Variants in UBE2V1 observed in about 807,000 individuals in gnomAD.
The protein encoded by UBE2V1 is ubiquitin-conjugating enzyme E2 variant 1.
A neutral mutation model predicts 19.6 loss-of-function variants in UBE2V1; 15 were observed. The ratio of observed to expected loss-of-function variants is 0.77; its 90% CI spans 0.51 to 1.18. The LOEUF is 1.18. Ranked by LOEUF, UBE2V1 falls within the 50% of genes most tolerant of loss-of-function variation. The probability of loss-of-function intolerance (pLI) is 0.00; values close to 1 mark genes in which losing one functional copy is unlikely to be tolerated. For missense variants in UBE2V1, 125 were observed against 184.8 expected, an observed-to-expected ratio of 0.68 and a Z score of 1.88; for synonymous variants, 60 against 60.7, an observed-to-expected ratio of 0.99 and a Z score of 0.05.
chr20:50,106,210 G>T (rs754336122), intron 1 of UBE2V1, among the ~76,000 whole-genome samples: 65 of 152,060 alleles, frequency 4.3e-4, no homozygotes, highest in Non-Finnish European at 7.6e-4. Flanking sequence ...CTTTCCAGAA[G>T]GCTTTTTCCT....
chr20:50,100,814 CT>C (rs1289629513), intron 1 of UBE2V1, among the ~76,000 whole-genome samples: 1 of 152,162 alleles, frequency 6.6e-6, no homozygotes, highest in Non-Finnish European at 1.5e-5. Context: ...CAAAGAACTT[CT>C]CTATGGCTGA....
Position 50,084,273 on chromosome 20 carries a change from G to C in UBE2V1, c.172-19C>G. 2 of 1,610,564 alleles carry C rather than the reference G, an allele frequency of 1.2e-6. No homozygotes were observed. Among genetic ancestry groups the C allele is most frequent in the Non-Finnish European group, 1.7e-6 (2 of 1,177,100 alleles). The stretch of plus-strand genomic sequence containing the variant: ...AAATTGTCTGGAAAAAAAGAGTACG[G>C]AGATGTCACGCAATTACAAACAAAG... On this transcript the variant is annotated intron_variant, in intron 2 of 3. Transcript: ENST00000371674.
chr20:50,096,512 A>G (rs6012831), intron 2 of UBE2V1, 160 bp downstream of exon 2: 9 of 1,537,026 alleles, frequency 5.9e-6, no homozygotes, highest in Non-Finnish European at 7.9e-6. Context: ...GCATCAGAGG[A>G]GGTTCAAATA....
At chr20:50,095,035 A>C (rs2079541243) in intron 2 of UBE2V1, 1 of 152,176 alleles carries the variant, frequency 6.6e-6, no homozygotes, top group Non-Finnish European at 1.5e-5. Flanking sequence ...TTACTGATGC[A>C]TTGTTTTGTG....
intron 2 of UBE2V1, among the ~76,000 whole-genome samples, chr20:50,086,581 T>C (rs547799021): frequency 2.0e-5 from 3 of 152,326 alleles, no homozygotes; most frequent in Non-Finnish European, 2.9e-5. Context: ...TCAACAACTA[T>C]ATACTCAGTG....
intron 2 of UBE2V1, among the ~76,000 whole-genome samples, chr20:50,094,099 CTTTT>C (rs2079438177): frequency 8.0e-6 from 1 of 124,994 alleles, no homozygotes; most frequent in African/African-American, 3.1e-5. Context: ...GGAGGATTTG[CTTTT>C]ATTTAAATAA....
At chr20:50,114,857 G>C (rs1234076947), upstream of UBE2V1, 1 of 152,390 alleles carries the variant, frequency 6.6e-6, no homozygotes, top group African/African-American at 2.4e-5. Flanking sequence ...CCTGAGGTCA[G>C]GAGTTCCAGA....
chr20:50,100,285 T>TAAA lies in UBE2V1; in HGVS notation c.23-3468_23-3466dup, dbSNP rs34807999. 2.0e-3 allele frequency among the ~76,000 whole-genome samples: 242 copies of TAAA among 122,152 alleles called. 3 individuals are homozygous for TAAA. Among genetic ancestry groups the TAAA allele is most frequent in the African/African-American group, 6.6e-3 (222 of 33,754 alleles). 80.1% of individuals were successfully genotyped at this position (122,152 alleles called of 152,430 possible). A position where few individuals can be genotyped will look rare whatever the true frequency, so the allele number is the denominator to read the frequency against. On this transcript the variant is annotated intron_variant, in intron 1 of 3. Transcript: ENST00000371674. ...AACAGAGCAAGAACCTGTCTCTATT[T>TAAA]AAAAAAAAAAAAAAAAAAAAGACGG...
At chr20:50,102,098 T>C (rs1231046782) in intron 1 of UBE2V1, among the ~76,000 whole-genome samples, 3 of 152,176 alleles carry the variant, frequency 2.0e-5, no homozygotes, top group Non-Finnish European at 4.4e-5. Flanking sequence ...TCTCAGGATA[T>C]AGAGCCAGAA....
At chr20:50,108,410 G>A (rs947033349) in intron 1 of UBE2V1, among the ~76,000 whole-genome samples, 49 of 152,166 alleles carry the variant, frequency 3.2e-4, no homozygotes, top group African/African-American at 1.1e-3. Context: ...TAACAGACAT[G>A]CCAATGGCTG....
At chr20:50,096,578 G>A (rs1281288762) in intron 2 of UBE2V1, 94 bp downstream of exon 2, 9 of 1,606,004 alleles carry the variant, frequency 5.6e-6, no homozygotes, top group Non-Finnish European at 6.8e-6. Flanking sequence ...TATACCATTG[G>A]TGAGCTTTTT....
At chr20:50,111,331 G>T in intron 1 of UBE2V1, 2 of 995,592 alleles carry the variant, frequency 2.0e-6, no homozygotes, top group Non-Finnish European at 1.2e-6. Context: ...CCGGGCAGCT[G>T]TTAACCCAGA....
In UBE2V1 at chr20:50,095,101, T is replaced by C. The variant is rs568933964; in HGVS notation, c.171+1571A>G. 3 of 152,222 alleles carry C rather than the reference T, an allele frequency of 2.0e-5. No individual in the cohort carries two copies. The South Asian group carries it at 6.2e-4, about 31-fold the overall frequency. 9.4% of individuals were successfully genotyped at this position (152,222 alleles called of 1,614,324 possible). ...ATTTAGTGTATCGCAATGTTGTACA[T>C]TGGTTCAATTCTCAGTATTTTAGAA... On this transcript the variant is annotated intron_variant, in intron 2 of 3. Transcript: ENST00000371674.
At chr20:50,111,867 G>A (rs972245900) in intron 1 of UBE2V1, among the ~76,000 whole-genome samples, 1 of 152,148 alleles carries the variant, frequency 6.6e-6, no homozygotes, top group African/African-American at 2.4e-5. Flanking sequence ...TGTCCCTGCA[G>A]CCCCACAGTG....
intron 1 of UBE2V1, among the ~76,000 whole-genome samples, chr20:50,098,114 G>A (rs144610870): frequency 1.7e-3 from 255 of 152,294 alleles, no homozygotes; most frequent in African/African-American, 5.6e-3. Context: ...TTTAAATGGA[G>A]GGATAAAGGA....
chr20:50,091,087 C>G (rs1048706688), intron 2 of UBE2V1, among the ~76,000 whole-genome samples: 14 of 152,080 alleles, frequency 9.2e-5, no homozygotes, highest in Non-Finnish European at 7.4e-5. Flanking sequence ...CACTCTGTCA[C>G]CCAGGTTGGA....
chr20:50,112,991 C>G (rs2080868784), intron 1 of UBE2V1, 116 bp downstream of exon 1: 1 of 446,320 alleles, frequency 2.2e-6, no homozygotes, highest in Non-Finnish European at 3.7e-6. Flanking sequence ...CCGCGGAGCC[C>G]AGCAGACAGA....
chr20:50,101,639 C>T (rs1479964058), intron 1 of UBE2V1, among the ~76,000 whole-genome samples: 1 of 148,424 alleles, frequency 6.7e-6, no homozygotes, highest in Admixed American at 6.7e-5. Context: ...GTTTGCTTGG[C>T]TTTTTACCTG....
At chr20:50,106,877 A>AAC (rs1569017172) in intron 1 of UBE2V1, among the ~76,000 whole-genome samples, 27 of 77,816 alleles carry the variant, frequency 3.5e-4, no homozygotes, top group African/African-American at 1.1e-3. Flanking sequence ...ACAACAACAA[A>AAC]AAAAAAAAAA....
Sources: allele counts gnomAD v4.1 joint callset (sites outside exome capture counted in the v4.1 genomes callset), GRCh38; gene constraint gnomAD v4.1.1; transcripts MANE v1.5; gene names NCBI Gene and HGNC (gene_info 2026-07-23, HGNC 2026-07-21).